Variants in PCDHGB3 observed in about 807,000 individuals in gnomAD.
PCDHGB3 encodes the protein protocadherin gamma subfamily B, 3.
In PCDHGB3, 40 loss-of-function variants were observed where a neutral mutation model predicts 59.2. That is an observed-to-expected ratio of 0.68 (90% CI 0.52 to 0.88). PCDHGB3 has a LOEUF of 0.88. Ranked by LOEUF, PCDHGB3 falls within the 40% of genes least tolerant of loss-of-function variation. The probability of loss-of-function intolerance (pLI) is 0.00; values close to 1 mark genes in which losing one functional copy is unlikely to be tolerated. For missense variants in PCDHGB3, 1,309 were observed against 1,187.9 expected, an observed-to-expected ratio of 1.10 and a Z score of -1.50; for synonymous variants, 581 against 503.6, an observed-to-expected ratio of 1.15 and a Z score of -2.06.
chr5:141,463,596 C>T (rs922480221), intron 1 of PCDHGB3, among the ~76,000 whole-genome samples: 5 of 151,874 alleles, frequency 3.3e-5, no homozygotes, highest in Admixed American at 2.0e-4. Flanking sequence ...CTACAGGTGC[C>T]TGCCACCATG....
At chr5:141,410,473 A>G (rs1347318074) in intron 1 of PCDHGB3, 1 of 1,614,028 alleles carries the variant, frequency 6.2e-7, no homozygotes, top group East Asian at 2.2e-5. Context: ...TGTGCATTGC[A>G]CATACGGGTA....
At chr5:141,405,955 CCTG>C (rs1293666113) in intron 1 of PCDHGB3, among the ~76,000 whole-genome samples, 4 of 152,056 alleles carry the variant, frequency 2.6e-5, no homozygotes, top group African/African-American at 9.7e-5. Context: ...TAATAATTAA[CCTG>C]CTGTCAACGT....
chr5:141,423,474 T>C, intron 1 of PCDHGB3: 1 of 1,614,004 alleles, frequency 6.2e-7, no homozygotes, highest in Non-Finnish European at 8.5e-7. Flanking sequence ...GGGTACAGGC[T>C]TTCCTGCAAA....
intron 1 of PCDHGB3, among the ~76,000 whole-genome samples, chr5:141,407,776 A>G (rs1248399145): frequency 2.0e-5 from 3 of 152,234 alleles, no homozygotes; most frequent in Non-Finnish European, 4.4e-5. Context: ...TGTGCATAAT[A>G]GATTTATTTA....
intron 1 of PCDHGB3, chr5:141,396,045 C>G (rs2093338007): frequency 6.6e-6 from 1 of 152,166 alleles, no homozygotes; most frequent in Non-Finnish European, 1.5e-5. Context: ...TATTTCAATA[C>G]AATTCCAATT....
intron 1 of PCDHGB3, chr5:141,375,368 A>C: frequency 1.2e-6 from 2 of 1,613,872 alleles, no homozygotes; most frequent in Non-Finnish European, 1.7e-6. Flanking sequence ...GGACAAAGGA[A>C]CACCACCTCT....
intron 1 of PCDHGB3, chr5:141,415,216 A>C: frequency 6.2e-7 from 1 of 1,614,086 alleles, no homozygotes; most frequent in African/African-American, 1.3e-5. Flanking sequence ...GGACCTCGGC[A>C]GCTTCGAGTC....
chr5:141,422,078 A>G lies in PCDHGB3; in HGVS notation c.2415+49269A>G, dbSNP rs1442545718. 11 of 1,612,298 alleles carry G rather than the reference A, an allele frequency of 6.8e-6. No homozygotes were observed. In the South Asian group the frequency reaches 8.8e-5, roughly 13 times the overall value. Reference sequence around the variant, plus strand: ...GGGGAAGTAATGTATTCATTTCGGAACATGGAAAGCAAGGCTTCTGAAATA... The same window carrying G: ...GGGGAAGTAATGTATTCATTTCGGAGCATGGAAAGCAAGGCTTCTGAAATA... On this transcript the variant is annotated intron_variant, in intron 1 of 3. Coordinates refer to ENST00000576222, the MANE Select transcript of PCDHGB3 (RefSeq NM_018924.5).
rs888389135 is a variant in PCDHGB3 at position 141,487,089 on chromosome 5, C to T, written c.2416-7718C>T. 12 of 1,613,882 alleles carry T rather than the reference C, an allele frequency of 7.4e-6. No individual in the cohort carries two copies. Among genetic ancestry groups the T allele is most frequent in the Non-Finnish European group, 1.0e-5 (12 of 1,179,768 alleles). On this transcript the variant is annotated intron_variant, in intron 1 of 3. Coordinates refer to ENST00000576222, the MANE Select transcript of PCDHGB3 (RefSeq NM_018924.5). The surrounding 1 kb of genome is among the most constrained non-coding windows in gnomAD (Gnocchi z 5.0). The stretch of plus-strand genomic sequence containing the variant: ...GCTGTTCCTATCCCAGCTGACCTCC[C>T]ACCACAGAAGCTGGTCATTGTGGTA...
At chr5:141,395,194 C>G in intron 1 of PCDHGB3, 1 of 1,613,922 alleles carries the variant, frequency 6.2e-7, no homozygotes, top group Non-Finnish European at 8.5e-7. Flanking sequence ...TTGTTAACAT[C>G]CGTAGATTTT....
chr5:141,416,098 G>A (rs745507614), intron 1 of PCDHGB3: 19 of 160,674 alleles, frequency 1.2e-4, no homozygotes, highest in Non-Finnish European at 8.1e-5. Flanking sequence ...AAGGGCAATA[G>A]GCCTTTTTCA....
At chr5:141,416,011 G>A (rs2095982763) in intron 1 of PCDHGB3, 2 of 239,912 alleles carry the variant, frequency 8.3e-6, no homozygotes, top group Non-Finnish European at 7.8e-6. Flanking sequence ...GGTAAGAATA[G>A]GTAAGTATCA....
chr5:141,371,827 A>AT lies in PCDHGB3; in HGVS notation c.1434dup (p.Pro479SerfsTer6), dbSNP rs1561552791. The AT allele has an allele frequency of 1.9e-6, 3 of 1,613,784 alleles. No homozygotes were observed. The highest frequency in any genetic ancestry group is 3.3e-5 in the Admixed American group (2 of 60,028). ...TCCATTGCGCATGTCAGAGCCTCGGATCCCGACTTGGGACCTAATGGCCTT... is the reference window on the plus strand; with the variant it reads ...TCCATTGCGCATGTCAGAGCCTCGGATTCCCGACTTGGGACCTAATGGCCTT... On this transcript the variant is annotated frameshift_variant, in exon 1 of 4. Transcript: ENST00000576222. LOFTEE classifies it high-confidence loss of function.
chr5:141,433,397 A>ATCTATCTATCTG (rs2097600396), intron 1 of PCDHGB3, among the ~76,000 whole-genome samples: 2 of 150,410 alleles, frequency 1.3e-5, no homozygotes, highest in African/African-American at 2.5e-5. Flanking sequence ...CTATCTATCT[A>ATCTATCTATCTG]TCTATCTATT....
chr5:141,488,705 G>T (rs1024064135), intron 1 of PCDHGB3, among the ~76,000 whole-genome samples: 1 of 152,200 alleles, frequency 6.6e-6, no homozygotes, highest in Non-Finnish European at 1.5e-5. Context: ...AGATTTTGCT[G>T]GTTCAAGCAA....
rs1366118961 is a variant in PCDHGB3 at position 141,375,763 on chromosome 5, C to T, written c.2415+2954C>T. The T allele has an allele frequency of 3.7e-6, 6 of 1,614,124 alleles. No homozygotes were observed. The African/African-American group carries it at 6.7e-5, about 18-fold the overall frequency. On this transcript the variant is annotated intron_variant, in intron 1 of 3. Transcript: ENST00000576222. ...TGCTGGACCAGAATGACAATGCGCC[C>T]GAGATCCTGTACCCCGCCCTCCCCA...
In PCDHGB3 at chr5:141,399,103, C is replaced by G. The variant is rs376000100; in HGVS notation, c.2415+26294C>G. The G allele has an allele frequency of 1.6e-5, 26 of 1,613,722 alleles. No homozygotes were observed. The South Asian group carries it at 2.9e-4, about 18-fold the overall frequency. On this transcript the variant is annotated intron_variant, in intron 1 of 3. Transcript: ENST00000576222. ...GAGGGATGGTGGTGGACTGGTTGCA[C>G]AATGTACAGTTGAAATTAATATTCA... is the stretch of plus-strand genomic sequence containing the variant.
chr5:141,405,141 A>T (rs749502643), intron 1 of PCDHGB3: 4 of 1,613,862 alleles, frequency 2.5e-6, no homozygotes, highest in African/African-American at 1.3e-5. Flanking sequence ...GCTACCAGTG[A>T]TGGGTTGGCT....
chr5:141,393,170 A>G (rs746908655), intron 1 of PCDHGB3: 1 of 1,613,286 alleles, frequency 6.2e-7, no homozygotes, highest in South Asian at 1.1e-5. Context: ...TCTTTGGGGT[A>G]GAAATAGAAA....
Sources: gnomAD v4.1 joint callset for allele counts (sites outside exome capture counted in the v4.1 genomes callset) on GRCh38, gnomAD v4.1.1 for gene constraint, Gnocchi (gnomAD v3.1) non-coding constraint, MANE v1.5 for transcripts, NCBI Gene and HGNC (gene_info 2026-07-23, HGNC 2026-07-21) for gene names.